The following ADK variants were observed in gnomAD, a reference collection of about 807,000 sequenced individuals.
The protein encoded by ADK is adenosine kinase.
Under a neutral mutation model 44.7 loss-of-function variants are expected in ADK, and 24 were observed. That is an observed-to-expected ratio of 0.54 (90% CI 0.39 to 0.76). The LOEUF (loss-of-function observed/expected upper bound fraction) is 0.76. ADK is among the 30% of genes least tolerant of loss of function. The probability of loss-of-function intolerance (pLI) is 0.00; values close to 1 mark genes in which losing one functional copy is unlikely to be tolerated. For synonymous variants in ADK, 128 were observed against 142.6 expected (o/e 0.90, Z 0.73); for missense variants, 321 against 425.1 (o/e 0.76, Z 2.15).
chr10:74,459,371 A>G (rs1435519905), intron 6 of ADK, among the ~76,000 whole-genome samples: 2 of 152,114 alleles, frequency 1.3e-5, no homozygotes, highest in African/African-American at 4.8e-5. Context: ...TTTTCCTAGA[A>G]CACCTTTTTA....
rs555480277 is a variant in ADK at position 74,409,874 on chromosome 10, TCTC to T, written c.555+11298_555+11300del. 3.3e-5 allele frequency among the ~76,000 whole-genome samples: 5 copies of T among 152,308 alleles called. No homozygotes were observed. In the South Asian group the frequency reaches 8.3e-4, roughly 25 times the overall value. On this transcript the variant is annotated intron_variant, in intron 6 of 10. Coordinates refer to ENST00000539909, the MANE Select transcript of ADK (RefSeq NM_006721.4). ...CACTACCAAATGTTTACATTTTACA[TCTC>T]CTGCTTTGTTTGCCCTATAGGTTTT...
rs184816439 is a variant in ADK at position 74,176,936 on chromosome 10, C to A, written c.66-23828C>A. 5.6e-5 allele frequency: 90 copies of A among 1,605,222 alleles called. 1 individual carries two copies. In the African/African-American group the frequency reaches 1.1e-3, roughly 19 times the overall value. ...CTGCTCCGAGCTGGGCGTTAGCCTC[C>A]CGAGCGCGTGAGCACTGTCGCTCCT... On this transcript the variant is annotated intron_variant, in intron 1 of 10. Coordinates refer to ENST00000539909, the MANE Select transcript of ADK (RefSeq NM_006721.4).
At chr10:74,289,940 CAATT>C (rs1447589850) in intron 3 of ADK, among the ~76,000 whole-genome samples, 1 of 151,766 alleles carries the variant, frequency 6.6e-6, no homozygotes, top group East Asian at 1.9e-4. Flanking sequence ...GCCATATACA[CAATT>C]AGTTTACTCT....
At chr10:74,455,304 G>C (rs577685002) in intron 6 of ADK, among the ~76,000 whole-genome samples, 130 of 152,072 alleles carry the variant, frequency 8.5e-4, no homozygotes, top group Non-Finnish European at 1.6e-3. Context: ...AGGAGTTCAA[G>C]ACCAGCTTGG....
At position 74,553,207 on chromosome 10, in the gene ADK, T is replaced by G. The variant is rs1177851331; in HGVS notation, c.726+27781T>G. Among the ~76,000 whole-genome samples the G allele has an allele frequency of 3.1e-5, 4 of 130,024 alleles. 1 individual carries two copies. The highest frequency in any genetic ancestry group is 9.0e-5 in the African/African-American group (3 of 33,324). The allele number at this position is 130,024 out of a possible 152,430, so 85.3% of individuals were successfully genotyped here. Reference sequence around the variant, plus strand: ...CACATTGTGTTTTTTTTTTTTTTTTTTTTTTTTTTTTTGAGACAGAGTCTC... The same window carrying G: ...CACATTGTGTTTTTTTTTTTTTTTTGTTTTTTTTTTTTGAGACAGAGTCTC... On this transcript the variant is annotated intron_variant, in intron 7 of 10. Coordinates refer to ENST00000539909, the MANE Select transcript of ADK (RefSeq NM_006721.4).
chr10:74,522,588 T>C (rs774854973), intron 6 of ADK, among the ~76,000 whole-genome samples: 1 of 152,204 alleles, frequency 6.6e-6, no homozygotes, highest in African/African-American at 2.4e-5. Context: ...TTAATTTTTT[T>C]AGTCTTCTTA....
intron 4 of ADK, among the ~76,000 whole-genome samples, chr10:74,374,094 C>T (rs1302011993): frequency 6.6e-6 from 1 of 152,038 alleles, no homozygotes. Flanking sequence ...TTTTTAGAGA[C>T]AGAAAATAAA....
chr10:74,685,516 G>A (rs982722061), intron 10 of ADK, among the ~76,000 whole-genome samples: 2 of 152,186 alleles, frequency 1.3e-5, no homozygotes, highest in Non-Finnish European at 2.9e-5. Flanking sequence ...AAAGTAGCAG[G>A]TTGTAAAATA....
intron 7 of ADK, among the ~76,000 whole-genome samples, chr10:74,567,323 G>A (rs192282689): frequency 6.6e-6 from 1 of 152,028 alleles, no homozygotes; most frequent in Non-Finnish European, 1.5e-5. Flanking sequence ...CTTTAACATT[G>A]AGTCTGCATA....
At chr10:74,201,841 A>G (rs970515954) in intron 2 of ADK, among the ~76,000 whole-genome samples, 1 of 152,078 alleles carries the variant, frequency 6.6e-6, no homozygotes, top group South Asian at 2.1e-4. Context: ...AGTAAAAAAG[A>G]TTAATGATGA....
At chr10:74,579,091 G>A (rs754317272) in intron 7 of ADK, among the ~76,000 whole-genome samples, 108 of 152,116 alleles carry the variant, frequency 7.1e-4, no homozygotes, top group Non-Finnish European at 1.1e-3. Context: ...GAAATTAGCC[G>A]GGTGTGGTGG....
intron 9 of ADK, among the ~76,000 whole-genome samples, chr10:74,645,407 T>C (rs1165769268): frequency 1.3e-5 from 2 of 152,178 alleles, no homozygotes; most frequent in Non-Finnish European, 2.9e-5. Flanking sequence ...ATTAGTAAAG[T>C]GCAATATTGA....
intron 4 of ADK, among the ~76,000 whole-genome samples, chr10:74,349,005 G>A (rs1355221011): frequency 2.0e-5 from 3 of 152,084 alleles, no homozygotes; most frequent in Non-Finnish European, 2.9e-5. Context: ...ATATTATCCA[G>A]GAGAACTTCC....
At chr10:74,232,152 A>G (rs957380307) in intron 3 of ADK, among the ~76,000 whole-genome samples, 2 of 152,178 alleles carry the variant, frequency 1.3e-5, no homozygotes, top group African/African-American at 4.8e-5. Flanking sequence ...CTAGGATCTC[A>G]TAACTTCTAT....
chr10:74,556,938 C>T (rs1189407588), intron 7 of ADK, among the ~76,000 whole-genome samples: 1 of 152,150 alleles, frequency 6.6e-6, no homozygotes, highest in Non-Finnish European at 1.5e-5. Context: ...GGAACATACC[C>T]CTCTTACTGT....
chr10:74,296,639 T>C (rs1047815823), intron 3 of ADK, among the ~76,000 whole-genome samples: 1 of 149,054 alleles, frequency 6.7e-6, no homozygotes, highest in Non-Finnish European at 1.5e-5. Flanking sequence ...TGAGATGGAG[T>C]CTTGCTCTGT....
At chr10:74,580,395 G>A (rs1352219350) in intron 7 of ADK, among the ~76,000 whole-genome samples, 7 of 152,006 alleles carry the variant, frequency 4.6e-5, no homozygotes. Flanking sequence ...GACCAACATG[G>A]TGAAACCCCA....
chr10:74,698,619 T>C, intron 10 of ADK, among the ~76,000 whole-genome samples: 1 of 152,232 alleles, frequency 6.6e-6, no homozygotes. Context: ...AGTGGAGCGA[T>C]ATGGCTCACT....
At chr10:74,601,214 TA>T (rs1338140255) in intron 9 of ADK, among the ~76,000 whole-genome samples, 1 of 152,076 alleles carries the variant, frequency 6.6e-6, no homozygotes, top group African/African-American at 2.4e-5. Context: ...AAGTAAAATA[TA>T]ATTATAGTTC....
Sources: allele counts gnomAD v4.1 joint callset (sites outside exome capture counted in the v4.1 genomes callset), GRCh38; gene constraint gnomAD v4.1.1; transcripts MANE v1.5; gene names NCBI Gene and HGNC (gene_info 2026-07-23, HGNC 2026-07-21).